The following KIF26B variants were observed in gnomAD, a reference collection of about 807,000 sequenced individuals.
KIF26B encodes kinesin family member 26B.
A neutral mutation model predicts 151.2 loss-of-function variants in KIF26B; 63 were observed. That is an observed-to-expected ratio of 0.42 (90% CI 0.34 to 0.51). KIF26B has a LOEUF of 0.51. KIF26B is among the 20% of genes least tolerant of loss of function. The pLI is 0.07. For missense variants in KIF26B, 2,813 were observed against 2,913.6 expected, an observed-to-expected ratio of 0.97 and a Z score of 0.79; for synonymous variants, 1,357 against 1,262.1, an observed-to-expected ratio of 1.08 and a Z score of -1.59.
chr1:245,366,437 C>G (rs752783484), intron 2 of KIF26B, among the ~76,000 whole-genome samples: 1 of 150,944 alleles, frequency 6.6e-6, no homozygotes, highest in Non-Finnish European at 1.5e-5. Flanking sequence ...GAGGCTGAGG[C>G]AGGAGAATCA....
At chr1:245,398,338 C>T (rs1026929672) in intron 3 of KIF26B, among the ~76,000 whole-genome samples, 8 of 152,154 alleles carry the variant, frequency 5.3e-5, no homozygotes, top group African/African-American at 1.4e-4. Context: ...CTGCCTGCGA[C>T]GGAGGTGTAG....
At chr1:245,590,164 G>T (rs920253353) in intron 5 of KIF26B, among the ~76,000 whole-genome samples, 1 of 150,716 alleles carries the variant, frequency 6.6e-6, no homozygotes, top group Non-Finnish European at 1.5e-5. Context: ...AGGGAGGCCT[G>T]CAAGGGGAGG....
At chr1:245,217,492 G>A (rs1669672713) in intron 2 of KIF26B, among the ~76,000 whole-genome samples, 1 of 151,350 alleles carries the variant, frequency 6.6e-6, no homozygotes, top group Admixed American at 6.6e-5. Flanking sequence ...AGCCTCCCTA[G>A]TAGCTGGCAT....
rs923868002 is a variant in KIF26B, at chr1:245,601,848, C to T, written c.1351-729C>T. 2.0e-5 allele frequency among the ~76,000 whole-genome samples: 3 copies of T among 152,274 alleles called. No homozygotes were observed. Among genetic ancestry groups the T allele is most frequent in the Admixed American group, 6.5e-5 (1 of 15,300 alleles). ...TGTGCATTTCCATAAGCACCTCGCT[C>T]GCCTGCAGGACGGGGCTGGGTTGGT... On this transcript the variant is annotated intron_variant, in intron 5 of 14. Coordinates refer to ENST00000407071, the MANE Select transcript of KIF26B (RefSeq NM_018012.4). This position sits in a 1 kb window ranked among gnomAD's most constrained non-coding sequence, Gnocchi z 4.4.
At chr1:245,700,785 G>A (rs2044760346) in intron 14 of KIF26B, among the ~76,000 whole-genome samples, 1 of 152,182 alleles carries the variant, frequency 6.6e-6, no homozygotes, top group Non-Finnish European at 1.5e-5. Context: ...TAATGGGGAG[G>A]GCAGACAGGG....
At chr1:245,637,805 G>A (rs528273395) in intron 9 of KIF26B, among the ~76,000 whole-genome samples, 14 of 152,008 alleles carry the variant, frequency 9.2e-5, no homozygotes, top group African/African-American at 3.1e-4. Context: ...AAAATGAGTT[G>A]GCTGTAAGTG....
At position 245,349,861 on chromosome 1, in the gene KIF26B, A is replaced by G. The variant is rs1034358122; in HGVS notation, c.466-16973A>G. On this transcript the variant is annotated intron_variant, in intron 2 of 14. Transcript: ENST00000407071. The stretch of plus-strand genomic sequence containing the variant: ...TTGAGCATATCTTTGTTTCAAGTAT[A>G]ATGAACACAATTCTGCAGTCCTTTG... Among the ~76,000 whole-genome samples, 4 of 152,206 alleles carry G rather than the reference A, an allele frequency of 2.6e-5. No individual in the cohort carries two copies. The East Asian group carries it at 7.7e-4, about 29-fold the overall frequency.
At chr1:245,346,050 A>G (rs542177116) in intron 2 of KIF26B, among the ~76,000 whole-genome samples, 1 of 149,964 alleles carries the variant, frequency 6.7e-6, no homozygotes, top group Non-Finnish European at 1.5e-5. Flanking sequence ...CTCCTGCCTC[A>G]GCCTCCCGAG....
chr1:245,613,721 G>C (rs1419524079), intron 9 of KIF26B, among the ~76,000 whole-genome samples: 1 of 152,156 alleles, frequency 6.6e-6, no homozygotes, highest in Non-Finnish European at 1.5e-5. Context: ...AGCTCTTTGC[G>C]GGCTTCTGCT....
intron 5 of KIF26B, among the ~76,000 whole-genome samples, chr1:245,551,440 TG>T (rs1661877652): frequency 6.6e-6 from 1 of 152,194 alleles, no homozygotes; most frequent in South Asian, 2.1e-4. Context: ...AGATACTCGC[TG>T]GGAGGTATTT....
At chr1:245,369,062 C>T (rs538244617) in intron 3 of KIF26B, among the ~76,000 whole-genome samples, 3 of 152,190 alleles carry the variant, frequency 2.0e-5, no homozygotes, top group Non-Finnish European at 2.9e-5. Context: ...CGCCTGAGCC[C>T]AGGAGGCGGA....
intron 3 of KIF26B, among the ~76,000 whole-genome samples, chr1:245,369,063 A>G (rs942102588): frequency 6.6e-6 from 1 of 152,120 alleles, no homozygotes; most frequent in African/African-American, 2.4e-5. Flanking sequence ...GCCTGAGCCC[A>G]GGAGGCGGAG....
chr1:245,659,283 T>C (rs1454048802), intron 10 of KIF26B, among the ~76,000 whole-genome samples: 1 of 152,052 alleles, frequency 6.6e-6, no homozygotes, highest in Non-Finnish European at 1.5e-5. Context: ...TTCCTTACGA[T>C]TTTGCACTAA....
chr1:245,285,195 C>G (rs1241326776), intron 2 of KIF26B, among the ~76,000 whole-genome samples: 2 of 151,998 alleles, frequency 1.3e-5, no homozygotes, highest in East Asian at 1.9e-4. Context: ...TCATCCTCCT[C>G]AGATCCATAG....
intron 9 of KIF26B, among the ~76,000 whole-genome samples, chr1:245,627,962 C>T (rs1572167158): frequency 1.3e-5 from 2 of 152,150 alleles, no homozygotes; most frequent in Non-Finnish European, 2.9e-5. Flanking sequence ...AGACCAATAA[C>T]GAGTTCTGAA....
At chr1:245,391,559 A>G (rs1476036676) in intron 3 of KIF26B, among the ~76,000 whole-genome samples, 1 of 151,906 alleles carries the variant, frequency 6.6e-6, no homozygotes, top group Admixed American at 6.6e-5. Context: ...TGGCAGGCCA[A>G]TTTGGGAGGA....
intron 2 of KIF26B, among the ~76,000 whole-genome samples, chr1:245,164,414 T>C (rs1573681658): frequency 6.6e-6 from 1 of 152,270 alleles, no homozygotes; most frequent in African/African-American, 2.4e-5. Flanking sequence ...TTCCTGTTTA[T>C]GTGCCAGTTC....
At chr1:245,220,422 AGGGTCCAGGGTCCAGGGTCCG>A (rs947793201) in intron 2 of KIF26B, among the ~76,000 whole-genome samples, 17 of 151,604 alleles carry the variant, frequency 1.1e-4, no homozygotes, top group African/African-American at 4.1e-4. Flanking sequence ...TCCAGGGTCC[AGGGTCCAGGGTCCAGGGTCCG>A]GGGTCCAGGG....
At position 245,684,289 on chromosome 1, in the gene KIF26B, C is replaced by A. The variant is rs1207105387; in HGVS notation, c.2315C>A (p.Thr772Asn). The A allele has an allele frequency of 6.2e-7, 1 of 1,613,842 alleles. No homozygotes were observed. Among genetic ancestry groups the A allele is most frequent in the African/African-American group, 1.3e-5 (1 of 74,940 alleles). Residue 772 changes from threonine (T) to asparagine (N), a missense_variant, in exon 11 of 15, where the codon ACC (threonine) becomes AAC (asparagine). By Grantham distance (65) the Thr-to-Asn change is moderately conservative. Around this residue, in one of 3 missense-constraint regions of KIF26B, gnomAD observed 2,060 missense variants for 2,088.6 expected, o/e 0.99. Coordinates refer to ENST00000407071, the MANE Select transcript of KIF26B (RefSeq NM_018012.4). Reference protein sequence around the residue: ...RESLGNMNCRTTMIAHISAAV... With the variant: ...RESLGNMNCRNTMIAHISAAV... The stretch of plus-strand genomic sequence containing the variant: ...TCTCTGGGGAACATGAACTGCCGTA[C>A]CACCATGATCGCGCACATCTCGGCC...
Sources: allele counts gnomAD v4.1 joint callset (sites outside exome capture counted in the v4.1 genomes callset), GRCh38; gene constraint gnomAD v4.1.1; regional missense constraint gnomAD v4.1.1; non-coding constraint Gnocchi (gnomAD v3.1); transcripts MANE v1.5; gene names NCBI Gene and HGNC (gene_info 2026-07-23, HGNC 2026-07-21).